Variants in ADGRL2 observed in about 807,000 individuals in gnomAD.
The protein encoded by ADGRL2 is calcium-independent alpha-latrotoxin receptor 2.
In ADGRL2, 44 loss-of-function variants were observed where a neutral mutation model predicts 157.4. The observed-to-expected ratio is 0.28, with a 90% CI of 0.22 to 0.36. The LOEUF is 0.36. ADGRL2 is among the 10% of genes least tolerant of loss of function. ADGRL2 has a pLI of 1.00. For missense variants in ADGRL2, 1,510 were observed against 1,768.9 expected, an observed-to-expected ratio of 0.85 and a Z score of 2.63; for synonymous variants, 585 against 624.7, an observed-to-expected ratio of 0.94 and a Z score of 0.95.
At chr1:81,985,872 G>GCTTA (rs972513843) in intron 21 of ADGRL2, among the ~76,000 whole-genome samples, 2 of 151,888 alleles carry the variant, frequency 1.3e-5, no homozygotes, top group Non-Finnish European at 2.9e-5. Context: ...TTGAATAAAA[G>GCTTA]CTTAATACAT....
At chr1:81,874,813 C>T (rs180901164) in intron 2 of ADGRL2, among the ~76,000 whole-genome samples, 2 of 151,990 alleles carry the variant, frequency 1.3e-5, no homozygotes, top group African/African-American at 4.8e-5. Context: ...TCAAGTGATT[C>T]TCCTGCTTCA....
rs115377592 is a variant in ADGRL2, at chr1:81,708,318, A to G, written c.-143+8510A>G. Among the ~76,000 whole-genome samples the G allele has an allele frequency of 9.7e-3, 1,481 of 152,296 alleles. 28 individuals are homozygous for G. Among genetic ancestry groups the G allele is most frequent in the African/African-American group, 0.034 (1,415 of 41,564 alleles). ...GCAAACATAACTTGGCTAGCTCATAATTTACCAAATTTAAGCATTTGTCAG... is the reference window on the plus strand; with the variant it reads ...GCAAACATAACTTGGCTAGCTCATAGTTTACCAAATTTAAGCATTTGTCAG... On this transcript the variant is annotated intron_variant, in intron 1 of 20. Transcript: ENST00000359929.
At chr1:81,580,220 T>C (rs762489664) in intron 2 of ADGRL2, among the ~76,000 whole-genome samples, 2 of 152,148 alleles carry the variant, frequency 1.3e-5, no homozygotes, top group Non-Finnish European at 2.9e-5. Flanking sequence ...TCCTTGCTTG[T>C]ACAGTTAACC....
At chr1:81,702,940 A>G (rs1361134460) in intron 1 of ADGRL2, among the ~76,000 whole-genome samples, 1 of 152,224 alleles carries the variant, frequency 6.6e-6, no homozygotes, top group African/African-American at 2.4e-5. Flanking sequence ...TTCTGCAACT[A>G]GAAAGTTTTC....
chr1:81,619,396 C>T (rs546574855), intron 3 of ADGRL2, among the ~76,000 whole-genome samples: 1 of 152,170 alleles, frequency 6.6e-6, no homozygotes, highest in East Asian at 1.9e-4. Flanking sequence ...GCAATTTGCA[C>T]TTATTGACAC....
intron 1 of ADGRL2, among the ~76,000 whole-genome samples, chr1:81,442,183 T>C (rs1319775298): frequency 6.6e-6 from 1 of 152,212 alleles, no homozygotes; most frequent in Non-Finnish European, 1.5e-5. Context: ...CCTTGAATGC[T>C]TCATTTTCAA....
intron 1 of ADGRL2, among the ~76,000 whole-genome samples, chr1:81,342,067 G>T (rs559627308): frequency 6.6e-6 from 1 of 152,062 alleles, no homozygotes; most frequent in Non-Finnish European, 1.5e-5. Context: ...CAGATTTCCA[G>T]AACACTGAAC....
At chr1:81,884,553 A>G (rs2094077271) in intron 2 of ADGRL2, among the ~76,000 whole-genome samples, 1 of 152,196 alleles carries the variant, frequency 6.6e-6, no homozygotes, top group Non-Finnish European at 1.5e-5. Context: ...CTTTCTGACT[A>G]AACATATATT....
At chr1:81,380,665 A>G (rs6695372) in intron 1 of ADGRL2, among the ~76,000 whole-genome samples, 48,084 of 152,112 alleles carry the variant, frequency 0.32, 8,485 homozygotes, top group Non-Finnish European at 0.4. Context: ...TTTAACATAC[A>G]TGGAATTTTT....
chr1:81,604,862 C>G lies in ADGRL2; in HGVS notation c.-143+23882C>G, dbSNP rs1177147711. On this transcript the variant is annotated intron_variant, in intron 3 of 24. Transcript: ENST00000370721. ...TAGATAATGAAAAAGTACCCCTGTT[C>G]TAAACCACAACACAGAGAGCAGGTA... Among the ~76,000 whole-genome samples the G allele has an allele frequency of 2.0e-5, 3 of 152,164 alleles. No homozygotes were observed. In the East Asian group the frequency reaches 5.8e-4, roughly 29 times the overall value.
chr1:81,469,285 C>T (rs2078121501), intron 2 of ADGRL2, among the ~76,000 whole-genome samples: 1 of 152,122 alleles, frequency 6.6e-6, no homozygotes, highest in Admixed American at 6.6e-5. Flanking sequence ...GAAAAGGCAC[C>T]AGTGTCCTCT....
At chr1:81,561,786 AC>A (rs1336039516) in intron 2 of ADGRL2, among the ~76,000 whole-genome samples, 1 of 151,616 alleles carries the variant, frequency 6.6e-6, no homozygotes, top group East Asian at 1.9e-4. Context: ...ATCATTTTGC[AC>A]TGATATCACT....
intron 1 of ADGRL2, among the ~76,000 whole-genome samples, chr1:81,730,390 A>G (rs1284411980): frequency 6.6e-6 from 1 of 152,174 alleles, no homozygotes; most frequent in African/African-American, 2.4e-5. Flanking sequence ...ACATTTATTC[A>G]AAGAAATAAG....
chr1:81,955,319 T>C (rs1329779910), intron 10 of ADGRL2, among the ~76,000 whole-genome samples: 1 of 148,742 alleles, frequency 6.7e-6, no homozygotes, highest in African/African-American at 2.4e-5. Flanking sequence ...AGATAAATTA[T>C]GAACTTTAAT....
chr1:81,852,714 A>ATT (rs1445267018), intron 2 of ADGRL2, among the ~76,000 whole-genome samples: 65 of 152,130 alleles, frequency 4.3e-4, no homozygotes, highest in African/African-American at 1.5e-3. Flanking sequence ...TCGCTGGCTT[A>ATT]TTTCTGTTCT....
intron 1 of ADGRL2, among the ~76,000 whole-genome samples, chr1:81,333,568 A>C (rs752543899): frequency 3.3e-5 from 5 of 152,108 alleles, no homozygotes; most frequent in African/African-American, 7.2e-5. Flanking sequence ...GGCACCTGCC[A>C]CTGCGCCTGG....
At chr1:81,365,907 T>C (rs919042654) in intron 1 of ADGRL2, among the ~76,000 whole-genome samples, 1 of 152,190 alleles carries the variant, frequency 6.6e-6, no homozygotes, top group African/African-American at 2.4e-5. Context: ...TCTGAAAGTG[T>C]TGTTTTAAAG....
chr1:81,461,527 A>T (rs1409075935), intron 2 of ADGRL2, among the ~76,000 whole-genome samples: 1 of 152,134 alleles, frequency 6.6e-6, no homozygotes, highest in Non-Finnish European at 1.5e-5. Context: ...CATTTATTGC[A>T]TTTTAATCTC....
chr1:81,323,971 G>T (rs767020941), intron 1 of ADGRL2, among the ~76,000 whole-genome samples: 1 of 152,202 alleles, frequency 6.6e-6, no homozygotes, highest in Non-Finnish European at 1.5e-5. Flanking sequence ...TTGAAGCTAC[G>T]TTCAGGCTAG....
Sources: gnomAD v4.1 joint callset for allele counts (sites outside exome capture counted in the v4.1 genomes callset) on GRCh38, gnomAD v4.1.1 for gene constraint, MANE v1.5 for transcripts, NCBI Gene and HGNC (gene_info 2026-07-23, HGNC 2026-07-21) for gene names.